The following CCDC63 variants were observed in gnomAD, a reference collection of about 807,000 sequenced individuals.
The protein encoded by CCDC63 is coiled-coil domain containing 63, also known as coiled-coil domain-containing protein 63.
A neutral mutation model predicts 63.6 loss-of-function variants in CCDC63; 54 were observed. The ratio of observed to expected loss-of-function variants is 0.85; its 90% CI spans 0.68 to 1.07. The LOEUF (loss-of-function observed/expected upper bound fraction) is 1.07. Among genes scored for constraint, CCDC63 ranks in the 50% least tolerant of loss-of-function variants. The pLI, the probability that CCDC63 is intolerant of heterozygous loss-of-function variation, is 0.00. For missense variants in CCDC63, 637 were observed against 689.6 expected (o/e 0.92, Z 0.86); for synonymous variants, 253 against 266.1 (o/e 0.95, Z 0.48).
intron 4 of CCDC63, among the ~76,000 whole-genome samples, chr12:110,869,945 T>C (rs1356249006): frequency 6.6e-6 from 1 of 152,238 alleles, no homozygotes; most frequent in Non-Finnish European, 1.5e-5. Context: ...ATTTACGGAA[T>C]GGTTACAAAG....
At chr12:110,873,248 G>C (rs189087223) in intron 4 of CCDC63, among the ~76,000 whole-genome samples, 21 of 152,176 alleles carry the variant, frequency 1.4e-4, no homozygotes, top group African/African-American at 4.1e-4. Context: ...AAAACAAAAA[G>C]AAAGTTTCAA....
chr12:110,887,833 T>C (rs2136712275), intron 8 of CCDC63, among the ~76,000 whole-genome samples: 1 of 152,218 alleles, frequency 6.6e-6, no homozygotes, highest in East Asian at 1.9e-4. Flanking sequence ...CTTGACCTCG[T>C]GATCCGCCCA....
chr12:110,888,757 C>T (rs1208130024), intron 8 of CCDC63, among the ~76,000 whole-genome samples: 4 of 152,088 alleles, frequency 2.6e-5, no homozygotes, highest in Non-Finnish European at 4.4e-5. Context: ...ATATTTCCTT[C>T]CAACTTCCAA....
chr12:110,903,491 C>A (rs1448818982), intron 10 of CCDC63, among the ~76,000 whole-genome samples: 1 of 152,190 alleles, frequency 6.6e-6, no homozygotes, highest in African/African-American at 2.4e-5. Context: ...TGCCTCCATA[C>A]ATACTGAAGC....
intron 4 of CCDC63, among the ~76,000 whole-genome samples, chr12:110,867,756 C>T (rs1295200774): frequency 7.5e-6 from 1 of 132,900 alleles, no homozygotes; most frequent in African/African-American, 3.2e-5. Context: ...GGGGGGCTGA[C>T]CCCCCCATCT....
At chr12:110,863,894 C>A (rs2070899448) in intron 4 of CCDC63, among the ~76,000 whole-genome samples, 1 of 152,204 alleles carries the variant, frequency 6.6e-6, no homozygotes, top group Non-Finnish European at 1.5e-5. Context: ...TCTCTCTGAC[C>A]TTCTTTACTG....
intron 10 of CCDC63, among the ~76,000 whole-genome samples, chr12:110,901,046 CA>C: frequency 6.6e-6 from 1 of 152,232 alleles, no homozygotes; most frequent in African/African-American, 2.4e-5. Flanking sequence ...TAAAAGGGTA[CA>C]GAACAAAATT....
At chr12:110,891,634 C>CAAAAAA (rs1167265918) in intron 8 of CCDC63, among the ~76,000 whole-genome samples, 4 of 65,486 alleles carry the variant, frequency 6.1e-5, no homozygotes, top group Admixed American at 1.9e-4. Context: ...GACCCTTTCT[C>CAAAAAA]AAAAAAAAAA....
chr12:110,849,481 G>A (rs982110470), intron 1 of CCDC63, among the ~76,000 whole-genome samples: 1 of 149,026 alleles, frequency 6.7e-6, no homozygotes, highest in Non-Finnish European at 1.5e-5. Flanking sequence ...AGAGGAACAC[G>A]AACAAGCTCT....
chr12:110,903,979 C>T (rs1592791947), intron 10 of CCDC63, among the ~76,000 whole-genome samples: 1 of 152,164 alleles, frequency 6.6e-6, no homozygotes, highest in South Asian at 2.1e-4. Context: ...TTCCTAATTG[C>T]CCTCCTTGTG....
chr12:110,874,250 A>G (rs966492177), intron 5 of CCDC63, among the ~76,000 whole-genome samples: 2 of 151,996 alleles, frequency 1.3e-5, no homozygotes, highest in Non-Finnish European at 2.9e-5. Flanking sequence ...CAGCTCAAGC[A>G]TTACCCATTA....
Position 110,886,315 on chromosome 12 carries a change from G to A in CCDC63, c.1074+2065G>A, listed in dbSNP as rs192960856. 5.8e-4 allele frequency among the ~76,000 whole-genome samples: 88 copies of A among 152,272 alleles called. 1 individual carries two copies. Among genetic ancestry groups the A allele is most frequent in the African/African-American group, 1.9e-3 (80 of 41,560 alleles). ...GCAGGAGAATCCTTTGAACCCGGGA[G>A]GTGGAGGTTGCAGTGAGCCGAGATG... is the stretch of plus-strand genomic sequence containing the variant. On this transcript the variant is annotated intron_variant, in intron 8 of 11. Coordinates refer to ENST00000308208, the MANE Select transcript of CCDC63 (RefSeq NM_152591.3).
chr12:110,877,708 CTT>C (rs1317962661), intron 5 of CCDC63, among the ~76,000 whole-genome samples: 15 of 90,716 alleles, frequency 1.7e-4, no homozygotes, highest in Admixed American at 3.7e-4. Flanking sequence ...TTCTTTCTTT[CTT>C]TTTTTTTTTT....
At chr12:110,880,439 C>T (rs1393961074) in intron 6 of CCDC63, among the ~76,000 whole-genome samples, 1 of 152,122 alleles carries the variant, frequency 6.6e-6, no homozygotes, top group Admixed American at 6.6e-5. Context: ...GCCCCTGCCT[C>T]TAGTCCAAGG....
At chr12:110,883,829 G>A (rs1022791133) in intron 7 of CCDC63, among the ~76,000 whole-genome samples, 3 of 152,074 alleles carry the variant, frequency 2.0e-5, no homozygotes, top group Non-Finnish European at 4.4e-5. Context: ...TAGTAGAGAC[G>A]GGGTTTCGCC....
At chr12:110,844,528 C>T (rs981675928), upstream of CCDC63, among the ~76,000 whole-genome samples, 3 of 152,230 alleles carry the variant, frequency 2.0e-5, no homozygotes, top group Non-Finnish European at 4.4e-5. Context: ...AAGCATCTCC[C>T]TCTACCCCAA....
chr12:110,858,869 C>A, intron 4 of CCDC63, 94 bp downstream of exon 4: 1 of 1,023,906 alleles, frequency 9.8e-7, no homozygotes, highest in Non-Finnish European at 1.5e-6. Context: ...GACCTGACAC[C>A]CCTGTATCAC....
At chr12:110,850,507 C>T (rs766203370) in intron 1 of CCDC63, among the ~76,000 whole-genome samples, 4 of 152,236 alleles carry the variant, frequency 2.6e-5, no homozygotes, top group Middle Eastern at 6.8e-3. Context: ...TTTGGGAGGC[C>T]GAGGTGGGCG....
chr12:110,878,236 A>G (rs1433043918), intron 5 of CCDC63, among the ~76,000 whole-genome samples: 1 of 152,216 alleles, frequency 6.6e-6, no homozygotes, highest in South Asian at 2.1e-4. Context: ...GCATATATGT[A>G]TACACACATG....
Sources: allele counts gnomAD v4.1 joint callset (sites outside exome capture counted in the v4.1 genomes callset), GRCh38; gene constraint gnomAD v4.1.1; transcripts MANE v1.5; gene names NCBI Gene and HGNC (gene_info 2026-07-23, HGNC 2026-07-21).